The following ZKSCAN1 variants were observed in gnomAD, a reference collection of about 807,000 sequenced individuals.
The protein encoded by ZKSCAN1 is zinc finger protein with KRAB and SCAN domains 1.
A neutral mutation model predicts 51.6 loss-of-function variants in ZKSCAN1; 14 were observed. The observed-to-expected ratio is 0.27, with a 90% confidence interval of 0.18 to 0.42. The LOEUF is 0.42. ZKSCAN1 is among the 10% of genes least tolerant of loss of function. The probability of loss-of-function intolerance (pLI) is 1.00; values close to 1 mark genes in which losing one functional copy is unlikely to be tolerated. For missense variants in ZKSCAN1, 531 were observed against 710.0 expected (o/e 0.75, Z 2.86); for synonymous variants, 263 against 261.5 (o/e 1.01, Z -0.06).
chr7:100,034,495 CT>C lies in ZKSCAN1; in HGVS notation c.*301del. On this transcript the variant is annotated 3_prime_UTR_variant, in exon 6 of 6. Coordinates refer to ENST00000324306, the MANE Select transcript of ZKSCAN1 (RefSeq NM_003439.4). ...TCAGTCTTTTCAGTAATGAGGATAC[CT>C]TTAAGGCACTCTTGGACTCTCGGCA... is the stretch of plus-strand genomic sequence containing the variant. The C allele has an allele frequency of 1.8e-6, 2 of 1,098,992 alleles. No individual in the cohort carries two copies. Among genetic ancestry groups the C allele is most frequent in the Non-Finnish European group, 2.2e-6 (2 of 901,866 alleles). The allele number at this position is 1,098,992 out of a possible 1,614,324, so 68.1% of individuals were successfully genotyped here. A position where few individuals can be genotyped will look rare whatever the true frequency, so the allele number is the denominator to read the frequency against.
rs775893116 is a variant in ZKSCAN1, at chr7:100,023,864, C to T, written c.358C>T (p.Arg120Cys). 4.3e-6 allele frequency: 7 copies of T among 1,613,444 alleles called. No individual in the cohort carries two copies. Among genetic ancestry groups the T allele is most frequent in the East Asian group, 2.2e-5 (1 of 44,892 alleles). The change falls in exon 2 of 6, where the codon CGC becomes TGC. Residue 120 changes from arginine to cysteine, a missense_variant. By Grantham distance (180) the Arg-to-Cys change is radical (BLOSUM62 -3). Around this residue, in one of 2 missense-constraint regions of ZKSCAN1, gnomAD observed 403 missense variants for 490.5 expected, o/e 0.82. Coordinates refer to ENST00000324306, the MANE Select transcript of ZKSCAN1 (RefSeq NM_003439.4). ...KELQVWLQEYRPDSGEEAVTL... is the reference protein window; with the variant it reads ...KELQVWLQEYCPDSGEEAVTL... ...GCTCCAGGTCTGGCTGCAGGAATAC[C>T]GCCCCGATAGTGGAGAGGAGGCCGT...
intron 3 of ZKSCAN1, among the ~76,000 whole-genome samples, chr7:100,028,672 T>C (rs2285886): frequency 0.35 from 53,528 of 151,296 alleles, 10,429 homozygotes; most frequent in African/African-American, 0.52. Flanking sequence ...TTGCACAATT[T>C]AAAATTTTCA....
rs117331337 is a variant in ZKSCAN1 at position 100,034,516 on chromosome 7, T to C, written c.*319T>C. 1.6e-5 allele frequency: 17 copies of C among 1,054,782 alleles called. No individual in the cohort carries two copies. The highest frequency in any genetic ancestry group is 1.9e-5 in the Non-Finnish European group (17 of 874,272). The allele number at this position is 1,054,782 out of a possible 1,614,324, so 65.3% of individuals were successfully genotyped here. A position where few individuals can be genotyped will look rare whatever the true frequency, so the allele number is the denominator to read the frequency against. On this transcript the variant is annotated 3_prime_UTR_variant, in exon 6 of 6. Transcript: ENST00000324306. ...ATACCTTTAAGGCACTCTTGGACTC[T>C]CGGCAACCACAACATAATAGTTGAA...
At chr7:100,021,579 T>C (rs1790589098) in intron 1 of ZKSCAN1, among the ~76,000 whole-genome samples, 1 of 152,162 alleles carries the variant, frequency 6.6e-6, no homozygotes, top group Non-Finnish European at 1.5e-5. Flanking sequence ...TGATTACTCA[T>C]TGGTGACTTT....
intron 1 of ZKSCAN1, among the ~76,000 whole-genome samples, chr7:100,020,134 T>A (rs769333529): frequency 5.3e-5 from 8 of 152,308 alleles, no homozygotes; most frequent in Admixed American, 3.9e-4. Flanking sequence ...GTTATAGTTA[T>A]GAGAGGGTTC....
rs918032347 is a variant in ZKSCAN1 at position 100,034,427 on chromosome 7, G to A, written c.*230G>A. 5 of 1,260,114 alleles carry A rather than the reference G, an allele frequency of 4.0e-6. No individual in the cohort carries two copies. The highest frequency in any genetic ancestry group is 5.0e-6 in the Non-Finnish European group (5 of 1,004,144). 78.1% of individuals were successfully genotyped at this position (1,260,114 alleles called of 1,614,324 possible). A position where few individuals can be genotyped will look rare whatever the true frequency, so the allele number is the denominator to read the frequency against. Reference sequence around the variant, plus strand: ...AAGGCTAATCTTACGGATAATCCACGTGAGATTTCCACACAAGAGAAAAGC... The same window carrying A: ...AAGGCTAATCTTACGGATAATCCACATGAGATTTCCACACAAGAGAAAAGC... On this transcript the variant is annotated 3_prime_UTR_variant, in exon 6 of 6. Coordinates refer to ENST00000324306, the MANE Select transcript of ZKSCAN1 (RefSeq NM_003439.4).
intron 2 of ZKSCAN1, 34 bp downstream of exon 2, chr7:100,023,966 G>T: frequency 6.5e-7 from 1 of 1,534,602 alleles, no homozygotes; most frequent in South Asian, 1.3e-5. Context: ...TGTGTGAGCA[G>T]GGCACAGACG....
At chr7:100,044,580 C>T (rs1791677013), downstream of ZKSCAN1, among the ~76,000 whole-genome samples, 1 of 150,124 alleles carries the variant, frequency 6.7e-6, no homozygotes, top group Non-Finnish European at 1.5e-5. Flanking sequence ...GCTCGGGAGG[C>T]TGAGGCAGGA....
Position 100,033,555 on chromosome 7 carries a change from G to T in ZKSCAN1, c.1050G>T (p.Lys350Asn). The T allele has an allele frequency of 6.2e-7, 1 of 1,614,092 alleles. No homozygotes were observed. The part of the protein sequence containing the change: ...TITGERGPRE[K>N]GKGLGRSFSL... The stretch of plus-strand genomic sequence containing the variant: ...CAGGAGAGAGAGGTCCAAGGGAGAA[G>T]GGGAAAGGATTGGGAAGAAGCTTCA... The change falls in exon 6 of 6, where the codon AAG (lysine) becomes AAT (asparagine). Residue 350 changes from lysine (K) to asparagine (N), a missense_variant. Physicochemically the swap from Lys to Asn is moderately conservative, Grantham distance 94. Transcript: ENST00000324306. The surrounding 1 kb of genome is among the most constrained non-coding windows in gnomAD (Gnocchi z 4.1).
At chr7:100,020,083 C>A (rs1790532732) in intron 1 of ZKSCAN1, among the ~76,000 whole-genome samples, 1 of 152,154 alleles carries the variant, frequency 6.6e-6, no homozygotes. Context: ...TGCTTAAATA[C>A]CCGGTACCTA....
Position 100,033,516 on chromosome 7 carries a change from CA to C in ZKSCAN1, c.1018del (p.Thr340ProfsTer21), listed in dbSNP as rs1791207085. ...ATTCAGGGCCAGCTATAGGAAAGGA[CA>C]AAAAAACCATCACAGGAGAGAGAGG... The part of the protein sequence containing the change: ...RDSGPAIGKD[K>X]KTITGERGPR... On this transcript the variant is annotated frameshift_variant, in exon 6 of 6. Transcript: ENST00000324306. LOFTEE classifies it high-confidence loss of function. The surrounding 1 kb of genome is among the most constrained non-coding windows in gnomAD (Gnocchi z 4.1). 6 of 1,613,642 alleles carry C rather than the reference CA, an allele frequency of 3.7e-6. No homozygotes were observed. The highest frequency in any genetic ancestry group is 5.1e-6 in the Non-Finnish European group (6 of 1,179,898).
intron 1 of ZKSCAN1, 34 bp from the exon 2 acceptor site, chr7:100,023,385 G>T: frequency 2.7e-6 from 3 of 1,121,438 alleles, no homozygotes; most frequent in Non-Finnish European, 2.5e-6. Context: ...TTTTTGTAAA[G>T]GTACGTACTA....
chr7:100,022,995 T>A (rs897763565), intron 1 of ZKSCAN1, among the ~76,000 whole-genome samples: 6 of 152,158 alleles, frequency 3.9e-5, no homozygotes, highest in Non-Finnish European at 5.9e-5. Context: ...TTGTACAGTT[T>A]TTTCCTCGAT....
intron 5 of ZKSCAN1, among the ~76,000 whole-genome samples, chr7:100,031,972 G>A (rs1312657622): frequency 6.6e-6 from 1 of 152,178 alleles, no homozygotes; most frequent in Admixed American, 6.5e-5. Context: ...CCAGCTACTT[G>A]GGAGGCTGAG....
chr7:100,021,846 G>T (rs1025081639), intron 1 of ZKSCAN1, among the ~76,000 whole-genome samples: 2 of 150,580 alleles, frequency 1.3e-5, no homozygotes, highest in African/African-American at 2.4e-5. Flanking sequence ...CTGGTTTCAT[G>T]CAATCCTCCC....
chr7:100,033,703 A>G lies in ZKSCAN1; in HGVS notation c.1198A>G (p.Thr400Ala). The change falls in exon 6 of 6, where the codon ACT (threonine) becomes GCT (alanine). Residue 400 changes from threonine (T) to alanine (A), a missense_variant. By Grantham distance (58) the Thr-to-Ala change is moderately conservative. Around this residue, in one of 2 missense-constraint regions of ZKSCAN1, gnomAD observed 128 missense variants for 219.5 expected, o/e 0.58. Transcript: ENST00000324306. The surrounding 1 kb of genome is among the most constrained non-coding windows in gnomAD (Gnocchi z 4.1). ...SSLIRHKIIHTGEKPYECSEC... is the reference protein window; with the variant it reads ...SSLIRHKIIHAGEKPYECSEC... ...CCTTATCCGCCATAAAATAATCCAC[A>G]CTGGAGAAAAGCCCTATGAATGTAG... 2 of 1,614,232 alleles carry G rather than the reference A, an allele frequency of 1.2e-6. No individual in the cohort carries two copies. Among genetic ancestry groups the G allele is most frequent in the Non-Finnish European group, 1.7e-6 (2 of 1,180,038 alleles).
At chr7:100,018,354 C>G (rs141850493) in intron 1 of ZKSCAN1, among the ~76,000 whole-genome samples, 106 of 151,966 alleles carry the variant, frequency 7.0e-4, no homozygotes, top group African/African-American at 2.6e-3. Context: ...TCTTAATAAT[C>G]TAGTTGAGGA....
chr7:100,021,790 G>A (rs1790601978), intron 1 of ZKSCAN1, among the ~76,000 whole-genome samples: 1 of 150,736 alleles, frequency 6.6e-6, no homozygotes. Context: ...TGTCACCCAG[G>A]CTGGAATGCA....
chr7:100,036,426 A>G lies in ZKSCAN1; in HGVS notation c.*2229A>G, dbSNP rs1791362812. 11 of 985,332 alleles carry G rather than the reference A, an allele frequency of 1.1e-5. No homozygotes were observed. The highest frequency in any genetic ancestry group is 7.0e-5 in the African/African-American group (4 of 57,238). 61.0% of individuals were successfully genotyped at this position (985,332 alleles called of 1,614,324 possible). A position where few individuals can be genotyped will look rare whatever the true frequency, so the allele number is the denominator to read the frequency against. On this transcript the variant is annotated 3_prime_UTR_variant, in exon 6 of 6. Transcript: ENST00000324306. ...GAGCAAGGACTTTTGCCCTCTAGAA[A>G]GCAACTGAGGCCAGGTGCGGTGGCT...
Sources: gnomAD v4.1 joint callset for allele counts (sites outside exome capture counted in the v4.1 genomes callset) on GRCh38, gnomAD v4.1.1 for gene constraint, gnomAD v4.1.1 regional missense constraint, Gnocchi (gnomAD v3.1) non-coding constraint, MANE v1.5 for transcripts, NCBI Gene and HGNC (gene_info 2026-07-23, HGNC 2026-07-21) for gene names.